Variants in SLC35F3 observed in about 807,000 individuals in gnomAD.
SLC35F3 encodes the protein solute carrier family 35 member F3.
A neutral mutation model predicts 49.9 loss-of-function variants in SLC35F3; 25 were observed. The observed-to-expected ratio is 0.50, with a 90% CI of 0.37 to 0.70. The LOEUF is 0.70. Among genes scored for constraint, SLC35F3 ranks in the 30% least tolerant of loss-of-function variants. SLC35F3 has a pLI of 0.00. For missense variants in SLC35F3, 525 were observed against 639.8 expected (o/e 0.82, Z 1.94); for synonymous variants, 275 against 265.4 (o/e 1.04, Z -0.35).
At chr1:234,316,754 G>C in intron 5 of SLC35F3, 27 bp downstream of exon 5, 1 of 1,584,442 alleles carries the variant, frequency 6.3e-7, no homozygotes, top group Non-Finnish European at 8.6e-7. Context: ...AACTTTCTCA[G>C]CTGGCTGGGC....
intron 2 of SLC35F3, among the ~76,000 whole-genome samples, chr1:234,228,255 A>G (rs1175085766): frequency 1.3e-5 from 2 of 152,014 alleles, no homozygotes; most frequent in Non-Finnish European, 2.9e-5. Flanking sequence ...CTTTGCTCCT[A>G]TTTTACTTAC....
At chr1:233,973,842 A>AT (rs1002791449) in intron 2 of SLC35F3, among the ~76,000 whole-genome samples, 2 of 152,162 alleles carry the variant, frequency 1.3e-5, no homozygotes, top group East Asian at 1.9e-4. Context: ...CTAAGCATAA[A>AT]TTTTTTTTCT....
In SLC35F3 at chr1:233,905,693, T is replaced by C. The variant is rs754673951; in HGVS notation, c.218T>C (p.Ile73Thr). The C allele has an allele frequency of 1.9e-6, 3 of 1,614,052 alleles. No homozygotes were observed. Among genetic ancestry groups the C allele is most frequent in the African/African-American group, 1.3e-5 (1 of 74,948 alleles). ...AGCGGGCCGGTGGGGCTCACGTCCATCGAGGAGCGGATCCTGCGCATCACT... is the reference window on the plus strand; with the variant it reads ...AGCGGGCCGGTGGGGCTCACGTCCACCGAGGAGCGGATCCTGCGCATCACT... ...LTSGPVGLTS[I>T]EERILRITGY... Residue 73 changes from isoleucine to threonine, a missense_variant, in exon 2 of 8, where the codon ATC becomes ACC. Around this residue, in one of 4 missense-constraint regions of SLC35F3, gnomAD observed 228 missense variants for 218.9 expected, o/e 1.04. Coordinates refer to ENST00000366618, the MANE Select transcript of SLC35F3 (RefSeq NM_173508.4).
At chr1:234,001,688 G>A (rs1663556093) in intron 2 of SLC35F3, among the ~76,000 whole-genome samples, 1 of 151,714 alleles carries the variant, frequency 6.6e-6, no homozygotes, top group East Asian at 1.9e-4. Flanking sequence ...TACAGGTTCT[G>A]CAGTTTAAGA....
At chr1:234,107,795 A>G (rs1476463061) in intron 2 of SLC35F3, among the ~76,000 whole-genome samples, 1 of 152,212 alleles carries the variant, frequency 6.6e-6, no homozygotes, top group African/African-American at 2.4e-5. Context: ...CCTGGTACAC[A>G]GGAGGTAAAC....
intron 3 of SLC35F3, among the ~76,000 whole-genome samples, chr1:234,277,337 A>G (rs553276381): frequency 6.6e-6 from 1 of 152,298 alleles, no homozygotes; most frequent in African/African-American, 2.4e-5. Context: ...GCTGGACCGC[A>G]CTTGTCAGAT....
At chr1:234,251,766 A>G (rs1667741636) in intron 3 of SLC35F3, among the ~76,000 whole-genome samples, 1 of 152,222 alleles carries the variant, frequency 6.6e-6, no homozygotes, top group Non-Finnish European at 1.5e-5. Context: ...GTACTGGTAC[A>G]TGTTCAGACA....
At chr1:234,199,550 ACAT>A (rs1666870617) in intron 2 of SLC35F3, among the ~76,000 whole-genome samples, 1 of 152,226 alleles carries the variant, frequency 6.6e-6, no homozygotes, top group South Asian at 2.1e-4. Flanking sequence ...CTAGAAGAAA[ACAT>A]AGGAGAAAGA....
chr1:234,065,174 G>A (rs1664599277), intron 2 of SLC35F3, among the ~76,000 whole-genome samples: 2 of 151,314 alleles, frequency 1.3e-5, no homozygotes, highest in Admixed American at 1.3e-4. Context: ...TTGAGACAAA[G>A]TCTCGCTCTG....
At chr1:234,010,177 G>T (rs978487161) in intron 2 of SLC35F3, among the ~76,000 whole-genome samples, 11 of 152,148 alleles carry the variant, frequency 7.2e-5, no homozygotes, top group African/African-American at 2.7e-4. Context: ...AAATTGTCAA[G>T]ATACAGATTA....
chr1:234,038,351 T>A (rs1033209336), intron 2 of SLC35F3, among the ~76,000 whole-genome samples: 7 of 150,686 alleles, frequency 4.6e-5, no homozygotes, highest in Admixed American at 3.3e-4. Context: ...ATTTTCTTAA[T>A]CCAGTCTATC....
At chr1:234,054,136 G>A (rs570253495) in intron 2 of SLC35F3, among the ~76,000 whole-genome samples, 7 of 152,176 alleles carry the variant, frequency 4.6e-5, no homozygotes, top group African/African-American at 9.6e-5. Context: ...TGCTCCTCTC[G>A]AGGAGTATCT....
At chr1:233,959,247 T>G (rs911196570) in intron 2 of SLC35F3, among the ~76,000 whole-genome samples, 3 of 21,858 alleles carry the variant, frequency 1.4e-4, no homozygotes, top group Non-Finnish European at 3.2e-4. Context: ...ATTTAGGTGT[T>G]TTTTTTTTTA....
chr1:234,300,644 G>A (rs1357263831), intron 3 of SLC35F3, among the ~76,000 whole-genome samples: 1 of 152,334 alleles, frequency 6.6e-6, no homozygotes, highest in East Asian at 1.9e-4. Flanking sequence ...GAGGAAGACA[G>A]GGCATTATGG....
intron 2 of SLC35F3, among the ~76,000 whole-genome samples, chr1:234,195,498 T>C (rs1476422659): frequency 1.3e-5 from 2 of 152,220 alleles, no homozygotes; most frequent in African/African-American, 4.8e-5. Flanking sequence ...CCTTATCTAT[T>C]GCTCTATTCT....
At chr1:234,297,603 G>A (rs188357882) in intron 3 of SLC35F3, among the ~76,000 whole-genome samples, 2 of 152,300 alleles carry the variant, frequency 1.3e-5, no homozygotes, top group East Asian at 3.9e-4. Flanking sequence ...CTTGGGCCGG[G>A]CACAGTGGCT....
rs1666390521 is a variant in SLC35F3, at chr1:234,170,811, TGCACGAAC to T, written c.284-60602_284-60595del. On this transcript the variant is annotated intron_variant, in intron 2 of 7. Coordinates refer to ENST00000366618, the MANE Select transcript of SLC35F3 (RefSeq NM_173508.4). ...ACATTTACAAGAAGTACTTAACGGTTGCACGAACGCAATTTCCTTTCCTCCCAAGTCAC... is the reference window on the plus strand; with the variant it reads ...ACATTTACAAGAAGTACTTAACGGTTGCAATTTCCTTTCCTCCCAAGTCAC... Among the ~76,000 whole-genome samples, 4 of 152,278 alleles carry T rather than the reference TGCACGAAC, an allele frequency of 2.6e-5. No individual in the cohort carries two copies. In the South Asian group the frequency reaches 8.3e-4, roughly 32 times the overall value.
At chr1:233,989,751 T>A (rs1663323770) in intron 2 of SLC35F3, among the ~76,000 whole-genome samples, 1 of 152,196 alleles carries the variant, frequency 6.6e-6, no homozygotes, top group South Asian at 2.1e-4. Flanking sequence ...ATGAAGAGCT[T>A]TAGTAGGTTT....
chr1:234,205,910 G>A (rs1383989510), intron 2 of SLC35F3, among the ~76,000 whole-genome samples: 2 of 152,176 alleles, frequency 1.3e-5, no homozygotes, highest in African/African-American at 4.8e-5. Flanking sequence ...GGGTGCAGGG[G>A]GTGGTGGGTG....
Sources: allele counts gnomAD v4.1 joint callset (sites outside exome capture counted in the v4.1 genomes callset), GRCh38; gene constraint gnomAD v4.1.1; regional missense constraint gnomAD v4.1.1; transcripts MANE v1.5; gene names NCBI Gene and HGNC (gene_info 2026-07-23, HGNC 2026-07-21).